The following HECA variants were observed in gnomAD, a reference collection of about 807,000 sequenced individuals.
HECA encodes HECA ribonucleoprotein granule regulator.
In HECA, 13 loss-of-function variants were observed where a neutral mutation model predicts 37.6. The observed-to-expected ratio is 0.35, with a 90% confidence interval of 0.23 to 0.55. The LOEUF (loss-of-function observed/expected upper bound fraction) is 0.55, where lower values mean the gene tolerates loss of function less well. Ranked by LOEUF, HECA falls within the 20% of genes least tolerant of loss-of-function variation. The pLI, the probability that HECA is intolerant of heterozygous loss-of-function variation, is 0.90. For synonymous variants in HECA, 307 were observed against 291.5 expected (o/e 1.05, Z -0.54); for missense variants, 527 against 701.9 (o/e 0.75, Z 2.82).
chr6:139,171,612 C>G (rs957883674), intron 2 of HECA, among the ~76,000 whole-genome samples: 4 of 152,124 alleles, frequency 2.6e-5, no homozygotes, highest in Non-Finnish European at 5.9e-5. Flanking sequence ...ACACATTCTT[C>G]TATTTTTCTT....
chr6:139,155,616 G>C (rs1477567120), intron 1 of HECA: 1 of 152,104 alleles, frequency 6.6e-6, no homozygotes, highest in African/African-American at 2.4e-5. Flanking sequence ...GCTTAGTCTG[G>C]AGTCCTCTTC....
chr6:139,162,025 G>T (rs1232581597), intron 1 of HECA, among the ~76,000 whole-genome samples: 4 of 152,190 alleles, frequency 2.6e-5, no homozygotes, highest in Non-Finnish European at 5.9e-5. Flanking sequence ...CTCTTGTCAT[G>T]TGTGGGTTTG....
Position 139,156,448 on chromosome 6 carries a change from G to C in HECA, c.272-9836G>C, listed in dbSNP as rs147906401. On this transcript the variant is annotated intron_variant, in intron 1 of 3. Coordinates refer to ENST00000367658, the MANE Select transcript of HECA (RefSeq NM_016217.3). ...TGGTTTTGAACTCCTGGGCTGAAGT[G>C]ACCTTCCTGCCTTGGCCTCTTAAAA... 4.0e-3 allele frequency among the ~76,000 whole-genome samples: 611 copies of C among 152,266 alleles called. 2 individuals carry two copies. Among genetic ancestry groups the C allele is most frequent in the Middle Eastern group, 0.014 (4 of 292 alleles).
At chr6:139,136,640 T>A (rs1028012775) in intron 1 of HECA, among the ~76,000 whole-genome samples, 1 of 144,902 alleles carries the variant, frequency 6.9e-6, no homozygotes, top group African/African-American at 2.5e-5. Flanking sequence ...TTTTTTGTTT[T>A]GTTTTTTTTT....
chr6:139,174,333 G>C, intron 2 of HECA, 52 bp from the exon 3 acceptor site: 1 of 1,555,702 alleles, frequency 6.4e-7, no homozygotes, highest in African/African-American at 1.4e-5. Context: ...CCTTGGAGAT[G>C]AAATGTGATT....
intron 1 of HECA, among the ~76,000 whole-genome samples, chr6:139,158,003 C>T (rs911122664): frequency 6.6e-6 from 1 of 152,204 alleles, no homozygotes; most frequent in Non-Finnish European, 1.5e-5. Flanking sequence ...TTCAAAATCT[C>T]TTGATTTTTA....
intron 1 of HECA, among the ~76,000 whole-genome samples, chr6:139,158,291 A>G (rs1382371390): frequency 2.6e-5 from 4 of 152,062 alleles, no homozygotes; most frequent in African/African-American, 7.2e-5. Flanking sequence ...TCACGAGGTC[A>G]GGAGATGGAG....
At chr6:139,146,261 G>A (rs1198990277) in intron 1 of HECA, among the ~76,000 whole-genome samples, 1 of 152,190 alleles carries the variant, frequency 6.6e-6, no homozygotes, top group African/African-American at 2.4e-5. Flanking sequence ...GGTAAGTTAA[G>A]CAGCTACTTG....
chr6:139,146,661 A>G (rs190649508), intron 1 of HECA, among the ~76,000 whole-genome samples: 3 of 152,338 alleles, frequency 2.0e-5, no homozygotes, highest in Non-Finnish European at 4.4e-5. Context: ...AGAGCCCAGA[A>G]CAGTGCTGCC....
chr6:139,175,192 C>A (rs1775034160), intron 3 of HECA, among the ~76,000 whole-genome samples: 1 of 152,142 alleles, frequency 6.6e-6, no homozygotes, highest in Non-Finnish European at 1.5e-5. Context: ...CCTATAGAAT[C>A]ACAGGAGACA....
intron 1 of HECA, chr6:139,155,886 G>A (rs559960064): frequency 6.6e-6 from 1 of 152,248 alleles, no homozygotes; most frequent in Non-Finnish European, 1.5e-5. Context: ...GCTTCACATT[G>A]TGTGCAAAAT....
intron 1 of HECA, among the ~76,000 whole-genome samples, chr6:139,138,794 T>C (rs540605149): frequency 6.6e-6 from 1 of 152,338 alleles, no homozygotes; most frequent in African/African-American, 2.4e-5. Flanking sequence ...ATACTAATTT[T>C]AAGATACTAG....
chr6:139,163,045 G>A (rs1035882568), intron 1 of HECA, among the ~76,000 whole-genome samples: 24 of 152,236 alleles, frequency 1.6e-4, no homozygotes, highest in African/African-American at 5.1e-4. Flanking sequence ...CATCATTCCC[G>A]CTGGAGCTGT....
intron 1 of HECA, among the ~76,000 whole-genome samples, chr6:139,160,864 C>T (rs1009134771): frequency 1.3e-5 from 2 of 152,170 alleles, no homozygotes; most frequent in Admixed American, 1.3e-4. Context: ...TGAAACTTTA[C>T]TATTTATAAA....
intron 1 of HECA, among the ~76,000 whole-genome samples, chr6:139,150,335 A>G (rs895805908): frequency 6.6e-6 from 1 of 152,170 alleles, no homozygotes; most frequent in South Asian, 2.1e-4. Flanking sequence ...CTGACAAAAA[A>G]CAATCTGTTA....
chr6:139,161,824 T>C (rs1774808257), intron 1 of HECA, among the ~76,000 whole-genome samples: 1 of 152,250 alleles, frequency 6.6e-6, no homozygotes, highest in Non-Finnish European at 1.5e-5. Context: ...GCTCTTCATC[T>C]GAAGGATCAA....
At chr6:139,166,191 T>G (rs747841761) in intron 1 of HECA, 93 bp from the exon 2 acceptor site, 9 of 1,008,346 alleles carry the variant, frequency 8.9e-6, no homozygotes, top group Middle Eastern at 3.3e-4. Flanking sequence ...TATTCATGTC[T>G]TAGAAAAACC....
In HECA at chr6:139,178,191, G is replaced by C. The variant is rs767581484; in HGVS notation, c.*1086G>C. 1.6e-4 allele frequency: 25 copies of C among 152,126 alleles called. 1 individual carries two copies. The highest frequency in any genetic ancestry group is 5.9e-5 in the Non-Finnish European group (4 of 68,008). 9.4% of individuals were successfully genotyped at this position (152,126 alleles called of 1,614,324 possible). ...GATTTTAATGCATAGCAGTATGTTT[G>C]AAAAATAGACCATTCTAAAAAGCCC... On this transcript the variant is annotated 3_prime_UTR_variant, in exon 4 of 4. Coordinates refer to ENST00000367658, the MANE Select transcript of HECA (RefSeq NM_016217.3).
intron 2 of HECA, among the ~76,000 whole-genome samples, chr6:139,173,037 T>A (rs1198124522): frequency 6.6e-6 from 1 of 152,222 alleles, no homozygotes; most frequent in Non-Finnish European, 1.5e-5. Flanking sequence ...GGGAATTGCA[T>A]TGAGTATGCA....
Sources: gnomAD v4.1 joint callset for allele counts (sites outside exome capture counted in the v4.1 genomes callset) on GRCh38, gnomAD v4.1.1 for gene constraint, MANE v1.5 for transcripts, NCBI Gene and HGNC (gene_info 2026-07-23, HGNC 2026-07-21) for gene names.